Variants in NPIPB5 observed in about 807,000 individuals in gnomAD.
NPIPB5 encodes the protein nuclear pore complex-interacting protein family member B5.
For synonymous variants in NPIPB5, 1 was observed against 168.2 expected, an observed-to-expected ratio of 0.01 and a Z score of 7.69; for missense variants, 10 against 414.7, an observed-to-expected ratio of 0.02 and a Z score of 8.48.
chr16:22,517,889 T>C (rs917013286), intron 1 of NPIPB5, among the ~76,000 whole-genome samples: 6 of 138,484 alleles, frequency 4.3e-5, no homozygotes, highest in Non-Finnish European at 9.4e-5. Flanking sequence ...TTGAATTCCA[T>C]ACTTTTGTTA....
At chr16:22,510,958 C>A (rs1333124827), upstream of NPIPB5, among the ~76,000 whole-genome samples, 1 of 15,386 alleles carries the variant, frequency 6.5e-5, no homozygotes, top group Non-Finnish European at 9.0e-5. Context: ...ACAACCTCCG[C>A]ATCCTGGGTT....
At chr16:22,518,145 C>T (rs1305666923) in intron 1 of NPIPB5, among the ~76,000 whole-genome samples, 4 of 45,930 alleles carry the variant, frequency 8.7e-5, no homozygotes, top group African/African-American at 3.2e-4. Context: ...GAACTCCTGA[C>T]CTTGTGATCC....
intron 1 of NPIPB5, among the ~76,000 whole-genome samples, chr16:22,517,742 T>C (rs1222744144): frequency 3.1e-5 from 1 of 32,456 alleles, no homozygotes; most frequent in African/African-American, 1.2e-4. Flanking sequence ...GGTTTCACCA[T>C]GTTGGTCAGG....
intron 4 of NPIPB5, among the ~76,000 whole-genome samples, chr16:22,529,388 A>C (rs1296430218): frequency 1.9e-4 from 29 of 150,140 alleles, no homozygotes; most frequent in African/African-American, 6.8e-4. Context: ...GTCCCTACAA[A>C]GGCCAGGGTA....
upstream of NPIPB5, among the ~76,000 whole-genome samples, chr16:22,510,669 C>T (rs1463078861): frequency 6.5e-5 from 4 of 61,652 alleles, no homozygotes; most frequent in Non-Finnish European, 1.0e-4. Context: ...TTGCCAATTA[C>T]AAATATTTTT....
exon 7 of NPIPB5, chr16:22,534,564 T>G (rs1473758223): frequency 6.2e-7 from 1 of 1,611,126 alleles, no homozygotes; most frequent in African/African-American, 1.3e-5. Context: ...CCTCAGCAGA[T>G]GATAATATCA....
chr16:22,517,775 G>A (rs1373838006), intron 1 of NPIPB5, among the ~76,000 whole-genome samples: 8 of 46,570 alleles, frequency 1.7e-4, no homozygotes, highest in Non-Finnish European at 3.2e-4. Flanking sequence ...TCCTAACCTC[G>A]TGATCCGCCT....
upstream of NPIPB5, among the ~76,000 whole-genome samples, chr16:22,510,758 C>G (rs1187954725): frequency 2.2e-5 from 2 of 92,894 alleles, 1 homozygote; most frequent in Non-Finnish European, 3.7e-5. Flanking sequence ...TCCCAGTTCA[C>G]AAGGAAATTT....
intron 4 of NPIPB5, among the ~76,000 whole-genome samples, chr16:22,528,835 C>G (rs2049845103): frequency 2.0e-5 from 3 of 147,892 alleles, no homozygotes; most frequent in East Asian, 2.1e-4. Flanking sequence ...TCTTGAGTAG[C>G]TGGGACTACA....
At chr16:22,528,207 C>CCT in intron 4 of NPIPB5, 2 of 230,194 alleles carry the variant, frequency 8.7e-6, no homozygotes, top group Non-Finnish European at 1.5e-5. Context: ...CATTGGTTTT[C>CCT]CTTTCTCTTT....
rs1175345253 is a variant in NPIPB5, at chr16:22,528,692, A to ATTT, written c.545+746_545+748dup. On this transcript the variant is annotated intron_variant, in intron 4 of 6. Coordinates refer to ENST00000424340, the Ensembl canonical transcript of NPIPB5. ...AGGTGTGTGCCACCACATTTGACCAATTTTTTTTTTTTTTTTTTTTTTTTT... is the reference window on the plus strand; with the variant it reads ...AGGTGTGTGCCACCACATTTGACCAATTTTTTTTTTTTTTTTTTTTTTTTTTTT... Among the ~76,000 whole-genome samples, 316 of 49,158 alleles carry ATTT rather than the reference A, an allele frequency of 6.4e-3. 62 individuals carry two copies. Among genetic ancestry groups the ATTT allele is most frequent in the African/African-American group, 0.03 (302 of 10,174 alleles). The allele number at this position is 49,158 out of a possible 152,430, so 32.2% of individuals were successfully genotyped here. A position where few individuals can be genotyped will look rare whatever the true frequency, so the allele number is the denominator to read the frequency against.
At position 22,534,033 on chromosome 16, in the gene NPIPB5, TC is replaced by T. The variant is rs2049886371; in HGVS notation, c.1052del (p.Pro351HisfsTer232). The T allele has an allele frequency of 6.4e-7, 1 of 1,550,596 alleles. No homozygotes were observed. Among genetic ancestry groups the T allele is most frequent in the Non-Finnish European group, 8.7e-7 (1 of 1,147,868 alleles). On this transcript the variant is annotated frameshift_variant, in exon 7 of 7. Coordinates refer to ENST00000424340, the Ensembl canonical transcript of NPIPB5. LOFTEE classifies it high-confidence loss of function. The stretch of plus-strand genomic sequence containing the variant: ...CTCCCGAGTGTCTGCTCACTCCCCT[TC>T]CACCCTCAGCTCTACCCTCAGCTCC...
At chr16:22,517,702 G>A (rs2049798286) in intron 1 of NPIPB5, among the ~76,000 whole-genome samples, 1 of 23,490 alleles carries the variant, frequency 4.3e-5, no homozygotes, top group Admixed American at 4.7e-4. Flanking sequence ...CACCATGCCT[G>A]GCTAATTTTT....
chr16:22,518,085 T>C (rs1236696461), intron 1 of NPIPB5, among the ~76,000 whole-genome samples: 3 of 46,144 alleles, frequency 6.5e-5, no homozygotes, highest in Non-Finnish European at 8.4e-5. Flanking sequence ...CCGGCTAATT[T>C]TTGTATTTTA....
intron 1 of NPIPB5, among the ~76,000 whole-genome samples, chr16:22,518,178 G>T (rs2049806800): frequency 6.8e-5 from 3 of 44,396 alleles, no homozygotes; most frequent in Admixed American, 2.4e-4. Flanking sequence ...CTCCCAAAGT[G>T]CTGGGATTAC....
intron 4 of NPIPB5, chr16:22,528,231 T>G: frequency 2.4e-6 from 1 of 410,764 alleles, no homozygotes; most frequent in Non-Finnish European, 4.0e-6. Flanking sequence ...TTTTTTTTTT[T>G]TTTTTTTTTC....
chr16:22,536,486 AC>A (rs1266718557), downstream of NPIPB5: 15 of 145,140 alleles, frequency 1.0e-4, no homozygotes, highest in East Asian at 3.7e-3. Context: ...CCAAAAACTA[AC>A]AAAGAATAAA....
intron 2 of NPIPB5, among the ~76,000 whole-genome samples, chr16:22,526,953 CAG>C (rs1400015095): frequency 0.016 from 4 of 258 alleles, no homozygotes; most frequent in Admixed American, 0.15. Context: ...TTTTTTGAGA[CAG>C]AGTTTCAATT....
At chr16:22,517,856 A>G (rs1260587909) in intron 1 of NPIPB5, among the ~76,000 whole-genome samples, 1 of 128,180 alleles carries the variant, frequency 7.8e-6, no homozygotes, top group Non-Finnish European at 1.7e-5. Context: ...GGGCAGGAAC[A>G]TGGCTGCAGC....
Sources: gnomAD v4.1 joint callset for allele counts (sites outside exome capture counted in the v4.1 genomes callset) on GRCh38, gnomAD v4.1.1 for gene constraint, MANE v1.5 for transcripts, NCBI Gene and HGNC (gene_info 2026-07-23, HGNC 2026-07-21) for gene names.